The following ABCA13 variants were observed in gnomAD, a reference collection of about 807,000 sequenced individuals.
ABCA13 encodes the protein ATP binding cassette subfamily A member 13, also known as ATP-binding cassette sub-family A member 13.
Under a neutral mutation model 478.7 loss-of-function variants are expected in ABCA13, and 476 were observed. That is an observed-to-expected ratio of 0.99 (90% CI 0.92 to 1.07). The LOEUF (loss-of-function observed/expected upper bound fraction) is 1.07. ABCA13 is among the 50% of genes least tolerant of loss of function. The pLI is 0.00. For missense variants in ABCA13, 6,060 were observed against 5,910.6 expected (o/e 1.03, Z -0.83); for synonymous variants, 2,252 against 2,158.9 (o/e 1.04, Z -1.20).
chr7:48,278,491 T>C lies in ABCA13; in HGVS notation c.7297T>C (p.Ser2433Pro), dbSNP rs1271689253. The C allele has an allele frequency of 6.2e-7, 1 of 1,613,948 alleles. No homozygotes were observed. The change falls in exon 18 of 62, where the codon TCT (serine) becomes CCT (proline). Residue 2433 changes from serine to proline, a missense_variant. Physicochemically the swap from Ser to Pro is moderately conservative, Grantham distance 74. Coordinates refer to ENST00000435803, the MANE Select transcript of ABCA13 (RefSeq NM_152701.5). ...AAGACTTCTGGATACAATTTTACAC[T>C]CTCCTAATAAGGACTTCTATGCTTT... is the stretch of plus-strand genomic sequence containing the variant. ...MARLLDTILH[S>P]PNKDFYALYP...
At position 48,624,059 on chromosome 7, in the gene ABCA13, AGTGTGTGTGT is replaced by A. The variant is rs3078326; in HGVS notation, c.14837+8714_14837+8723del. ...GAGTTTACGTGTGAGCACATGATAG[AGTGTGTGTGT>A]GTGTGTGTGTGTGTGTGTGTGTGTG... On this transcript the variant is annotated intron_variant, in intron 59 of 61. Coordinates refer to ENST00000435803, the MANE Select transcript of ABCA13 (RefSeq NM_152701.5). 1.3e-4 allele frequency among the ~76,000 whole-genome samples: 19 copies of A among 142,536 alleles called. No individual in the cohort carries two copies. The South Asian group carries it at 1.9e-3, about 14-fold the overall frequency. 93.5% of individuals were successfully genotyped at this position (142,536 alleles called of 152,430 possible).
intron 36 of ABCA13, 128 bp downstream of exon 36, chr7:48,388,087 C>A: frequency 1.0e-6 from 1 of 974,442 alleles, no homozygotes; most frequent in South Asian, 2.2e-5. Flanking sequence ...TACATTTAGG[C>A]TGTCTTGGGC....
chr7:48,298,326 A>G, intron 22 of ABCA13, 40 bp from the exon 23 acceptor site: 1 of 1,566,488 alleles, frequency 6.4e-7, no homozygotes, highest in Non-Finnish European at 8.7e-7. Context: ...AATGATCTAA[A>G]CCTTTATTAC....
At position 48,468,873 on chromosome 7, in the gene ABCA13, C is replaced by A. The variant is rs113471779; in HGVS notation, c.12905+1828C>A. On this transcript the variant is annotated intron_variant, in intron 44 of 61. Transcript: ENST00000435803. ...AGACAATGAAGAGCTCTAGAAAAAT[C>A]CACTGTTGTCTAAATCCGATCTAAA... Among the ~76,000 whole-genome samples, 1,297 of 152,278 alleles carry A rather than the reference C, an allele frequency of 8.5e-3. 24 individuals are homozygous for A. Among genetic ancestry groups the A allele is most frequent in the African/African-American group, 0.03 (1,238 of 41,552 alleles).
chr7:48,346,479 C>A (rs372762337), intron 29 of ABCA13, among the ~76,000 whole-genome samples: 1 of 151,576 alleles, frequency 6.6e-6, no homozygotes, highest in African/African-American at 2.4e-5. Context: ...TGCCCTACAC[C>A]GAGAAATTTA....
chr7:48,407,032 A>C (rs1194840419), intron 39 of ABCA13, among the ~76,000 whole-genome samples: 1 of 152,124 alleles, frequency 6.6e-6, no homozygotes, highest in East Asian at 1.9e-4. Flanking sequence ...AAGTTTATTC[A>C]TTTATTTATT....
chr7:48,235,628 T>A (rs895716264), intron 8 of ABCA13, among the ~76,000 whole-genome samples: 7 of 152,174 alleles, frequency 4.6e-5, no homozygotes. Context: ...AATCAAGGTG[T>A]CTGCAGGGCT....
At chr7:48,345,676 TTATAAAG>T (rs1372796033) in intron 29 of ABCA13, among the ~76,000 whole-genome samples, 1 of 152,206 alleles carries the variant, frequency 6.6e-6, no homozygotes, top group Non-Finnish European at 1.5e-5. Flanking sequence ...ATTAAAAAGT[TTATAAAG>T]TATAAAGTTA....
chr7:48,496,619 T>C (rs537912770), intron 48 of ABCA13, among the ~76,000 whole-genome samples: 1 of 152,092 alleles, frequency 6.6e-6, no homozygotes, highest in African/African-American at 2.4e-5. Context: ...TCTTTAAGAG[T>C]AGGTTTGCTA....
At chr7:48,440,616 C>T (rs780086891) in intron 42 of ABCA13, among the ~76,000 whole-genome samples, 4 of 151,754 alleles carry the variant, frequency 2.6e-5, no homozygotes, top group East Asian at 1.9e-4. Context: ...TATGTAAGAT[C>T]GAATTTAATG....
Position 48,519,995 on chromosome 7 carries a change from G to T in ABCA13, c.13798-46G>T, listed in dbSNP as rs552690951. The T allele has an allele frequency of 2.0e-4, 307 of 1,539,470 alleles. 1 individual carries two copies. Among genetic ancestry groups the T allele is most frequent in the Middle Eastern group, 1.7e-3 (9 of 5,308 alleles). On this transcript the variant is annotated intron_variant, in intron 52 of 61. Transcript: ENST00000435803. ...AGTTATTGGTATATATTATGAAAAGGGGAATAGCTTTTAATTGGATTTTTT... is the reference window on the plus strand; with the variant it reads ...AGTTATTGGTATATATTATGAAAAGTGGAATAGCTTTTAATTGGATTTTTT...
intron 10 of ABCA13, among the ~76,000 whole-genome samples, chr7:48,243,383 T>C (rs1435130163): frequency 6.6e-6 from 1 of 152,236 alleles, no homozygotes; most frequent in East Asian, 1.9e-4. Context: ...GTCAGAACAA[T>C]GACTGACCTA....
intron 3 of ABCA13, among the ~76,000 whole-genome samples, chr7:48,217,520 AG>A (rs1786664772): frequency 6.6e-6 from 1 of 152,098 alleles, no homozygotes; most frequent in Non-Finnish European, 1.5e-5. Context: ...CCACCCTATT[AG>A]GTAGGTAATA....
chr7:48,343,426 C>T (rs1344398322), intron 29 of ABCA13, among the ~76,000 whole-genome samples: 1 of 152,038 alleles, frequency 6.6e-6, no homozygotes, highest in Non-Finnish European at 1.5e-5. Flanking sequence ...CGATTAGGGC[C>T]CATGTAGATC....
chr7:48,492,168 C>T (rs928753335), intron 48 of ABCA13, among the ~76,000 whole-genome samples: 1 of 152,156 alleles, frequency 6.6e-6, no homozygotes, highest in Non-Finnish European at 1.5e-5. Context: ...CCTGACCTAT[C>T]TTCTCAGCCT....
chr7:48,640,856 C>T (rs1795054921), intron 59 of ABCA13, among the ~76,000 whole-genome samples: 1 of 152,140 alleles, frequency 6.6e-6, no homozygotes, highest in Admixed American at 6.5e-5. Flanking sequence ...TAGAAGTCTT[C>T]TTAACTATTA....
At chr7:48,416,721 G>A (rs1344419375) in intron 41 of ABCA13, among the ~76,000 whole-genome samples, 1 of 152,070 alleles carries the variant, frequency 6.6e-6, no homozygotes, top group Non-Finnish European at 1.5e-5. Context: ...ACCTGGGTGT[G>A]TCTTGGGGTT....
intron 27 of ABCA13, among the ~76,000 whole-genome samples, chr7:48,319,042 G>A (rs1803012029): frequency 6.6e-6 from 1 of 152,158 alleles, no homozygotes; most frequent in South Asian, 2.1e-4. Context: ...CAGTGCAGCA[G>A]AGGCACAGGC....
rs188568170 is a variant in ABCA13, at chr7:48,296,393, C to T, written c.9119+530C>T. On this transcript the variant is annotated intron_variant, in intron 21 of 61. Transcript: ENST00000435803. ...CCAGCCTGGCTGACAGATAAAGGGCCTGTCTCATAAATTAAATAAATAAAT... is the reference window on the plus strand; with the variant it reads ...CCAGCCTGGCTGACAGATAAAGGGCTTGTCTCATAAATTAAATAAATAAAT... Among the ~76,000 whole-genome samples, 93 of 152,160 alleles carry T rather than the reference C, an allele frequency of 6.1e-4. 1 individual carries two copies. In the East Asian group the frequency reaches 0.014, roughly 22 times the overall value.
Sources: allele counts gnomAD v4.1 joint callset (sites outside exome capture counted in the v4.1 genomes callset), GRCh38; gene constraint gnomAD v4.1.1; transcripts MANE v1.5; gene names NCBI Gene and HGNC (gene_info 2026-07-23, HGNC 2026-07-21).